The following CCDC180 variants were observed in gnomAD, a reference collection of about 807,000 sequenced individuals.
The protein encoded by CCDC180 is coiled-coil domain containing 180, also known as coiled-coil domain-containing protein 180.
A neutral mutation model predicts 209.2 loss-of-function variants in CCDC180; 154 were observed. That is an observed-to-expected ratio of 0.74 (90% CI 0.65 to 0.84). The LOEUF is 0.84. Among genes scored for constraint, CCDC180 ranks in the 40% least tolerant of loss-of-function variants. The pLI, the probability that CCDC180 is intolerant of heterozygous loss-of-function variation, is 0.00. For synonymous variants in CCDC180, 778 were observed against 749.1 expected, an observed-to-expected ratio of 1.04 and a Z score of -0.63; for missense variants, 1,874 against 1,997.3, an observed-to-expected ratio of 0.94 and a Z score of 1.18.
At chr9:97,317,480 G>A (rs1337017340) in intron 9 of CCDC180, among the ~76,000 whole-genome samples, 3 of 152,292 alleles carry the variant, frequency 2.0e-5, no homozygotes, top group Non-Finnish European at 1.5e-5. Flanking sequence ...TAGAGTATAT[G>A]CAGTTTCATA....
At chr9:97,311,772 C>T (rs1448668198) in intron 3 of CCDC180, among the ~76,000 whole-genome samples, 1 of 152,204 alleles carries the variant, frequency 6.6e-6, no homozygotes, top group African/African-American at 2.4e-5. Flanking sequence ...GATTTGGCTT[C>T]ACTGGGCTGC....
intron 4 of CCDC180, among the ~76,000 whole-genome samples, chr9:97,312,906 C>G (rs1833037178): frequency 7.1e-6 from 1 of 140,070 alleles, no homozygotes; most frequent in Non-Finnish European, 1.6e-5. Flanking sequence ...TGAAGACTAG[C>G]TGAGTTTGAA....
At chr9:97,361,690 T>G in intron 26 of CCDC180, 36 bp from the exon 27 acceptor site, 5 of 1,607,982 alleles carry the variant, frequency 3.1e-6, no homozygotes, top group Non-Finnish European at 4.2e-6. Context: ...CCTGGGCTGG[T>G]CCTTACACCC....
intron 22 of CCDC180, among the ~76,000 whole-genome samples, chr9:97,353,675 G>GT (rs1353279611): frequency 3.3e-5 from 5 of 152,102 alleles, no homozygotes; most frequent in Admixed American, 2.0e-4. Flanking sequence ...TCTGCTTGAG[G>GT]TTTTTTGGGT....
intron 11 of CCDC180, 32 bp from the exon 12 acceptor site, chr9:97,322,801 G>A: frequency 6.3e-7 from 1 of 1,594,174 alleles, no homozygotes; most frequent in Non-Finnish European, 8.6e-7. Flanking sequence ...TCTTCCTTCT[G>A]GACTGATTTG....
chr9:97,354,955 A>T lies in CCDC180; in HGVS notation c.3211A>T (p.Ile1071Leu). The T allele has an allele frequency of 3.1e-6, 5 of 1,614,126 alleles. No individual in the cohort carries two copies. The highest frequency in any genetic ancestry group is 4.2e-6 in the Non-Finnish European group (5 of 1,179,962). ...FHNLSVDLIF[I>L]EKIQRLLTNL... The stretch of plus-strand genomic sequence containing the variant: ...TAACCTGTCTGTGGACCTTATTTTC[A>T]TAGAGAAAATCCAGCGGTTGCTGAC... The change falls in exon 24 of 37, where the codon ATA becomes TTA. Residue 1071 changes from isoleucine to leucine, a missense_variant. Coordinates refer to ENST00000529487, the MANE Select transcript of CCDC180 (RefSeq NM_020893.6).
rs367967039 is a variant in CCDC180, at chr9:97,309,474, C to T, written c.130C>T (p.Leu44=). Residue 44 remains leucine, a synonymous_variant, in exon 3 of 37, where the codon CTG becomes TTG. Coordinates refer to ENST00000529487, the MANE Select transcript of CCDC180 (RefSeq NM_020893.6). ...RKRAAERSVT[L]KSGRIPMMKK... ...GCGGGCTGCAGAGCGTTCTGTGACCCTGAAGAGTGGCAGGATACCCATGAT... is the reference window on the plus strand; with the variant it reads ...GCGGGCTGCAGAGCGTTCTGTGACCTTGAAGAGTGGCAGGATACCCATGAT... The T allele has an allele frequency of 1.2e-6, 2 of 1,607,338 alleles. No individual in the cohort carries two copies. The highest frequency in any genetic ancestry group is 2.7e-5 in the African/African-American group (2 of 74,668).
intron 22 of CCDC180, among the ~76,000 whole-genome samples, chr9:97,352,197 A>G (rs921663581): frequency 6.6e-6 from 1 of 152,224 alleles, no homozygotes; most frequent in Non-Finnish European, 1.5e-5. Flanking sequence ...TTAACATGCA[A>G]GTGTGTAGGT....
chr9:97,352,935 A>ATG (rs1826461222), intron 22 of CCDC180, among the ~76,000 whole-genome samples: 3 of 149,294 alleles, frequency 2.0e-5, no homozygotes, highest in Non-Finnish European at 4.4e-5. Context: ...AGATATATAC[A>ATG]TATACGTATG....
rs185581563 is a variant in CCDC180 at position 97,367,428 on chromosome 9, T to C, written c.4189+728T>C. ...CCACCACTTCCCAGCTGTATTACCT[T>C]GGCCAAATGATCTCACCTCTCTGAG... On this transcript the variant is annotated intron_variant, in intron 31 of 36. Transcript: ENST00000529487. 8.6e-3 allele frequency among the ~76,000 whole-genome samples: 1,297 copies of C among 151,374 alleles called. 11 individuals carry two copies. The highest frequency in any genetic ancestry group is 0.013 in the Non-Finnish European group (905 of 67,938).
chr9:97,355,780 G>T (rs1005522106), intron 24 of CCDC180, among the ~76,000 whole-genome samples: 1 of 152,208 alleles, frequency 6.6e-6, no homozygotes, highest in Admixed American at 6.5e-5. Flanking sequence ...CTTAACCTGG[G>T]CTAAGAAAGT....
At chr9:97,361,264 A>G (rs933598516) in intron 26 of CCDC180, among the ~76,000 whole-genome samples, 2 of 152,190 alleles carry the variant, frequency 1.3e-5, no homozygotes, top group Non-Finnish European at 2.9e-5. Flanking sequence ...TCCTCCATCC[A>G]TTTGGTCAAA....
At chr9:97,372,393 T>G (rs952046697) in intron 34 of CCDC180, 3 of 152,218 alleles carry the variant, frequency 2.0e-5, no homozygotes, top group African/African-American at 7.2e-5. Context: ...AGGGAACAAT[T>G]TGTCAGTCCC....
At chr9:97,347,835 C>G (rs1472528082) in intron 20 of CCDC180, among the ~76,000 whole-genome samples, 1 of 152,128 alleles carries the variant, frequency 6.6e-6, no homozygotes, top group Non-Finnish European at 1.5e-5. Flanking sequence ...TAGAGGCAAG[C>G]TCATAGCTCA....
At chr9:97,321,692 G>A (rs1054392689) in intron 11 of CCDC180, among the ~76,000 whole-genome samples, 9 of 152,212 alleles carry the variant, frequency 5.9e-5, no homozygotes, top group Non-Finnish European at 1.3e-4. Context: ...GTCCAGAGCA[G>A]AAGTCAGAGC....
At chr9:97,350,888 T>G (rs1041758286) in intron 22 of CCDC180, among the ~76,000 whole-genome samples, 1 of 152,238 alleles carries the variant, frequency 6.6e-6, no homozygotes, top group African/African-American at 2.4e-5. Context: ...GTACTTCATA[T>G]AAGTGGAATC....
intron 32 of CCDC180, among the ~76,000 whole-genome samples, 165 bp from the exon 33 acceptor site, chr9:97,370,476 A>C (rs895534731): frequency 6.6e-6 from 1 of 151,352 alleles, no homozygotes; most frequent in Non-Finnish European, 1.5e-5. Flanking sequence ...AGCTCTAGCC[A>C]TGCCCCCCTC....
chr9:97,333,889 C>T (rs759158727), intron 18 of CCDC180, among the ~76,000 whole-genome samples: 1 of 151,464 alleles, frequency 6.6e-6, no homozygotes, highest in Non-Finnish European at 1.5e-5. Context: ...GGTGTGATCT[C>T]AGCTCACTGC....
intron 31 of CCDC180, among the ~76,000 whole-genome samples, chr9:97,367,237 T>C (rs1198744820): frequency 6.6e-6 from 1 of 152,230 alleles, no homozygotes; most frequent in African/African-American, 2.4e-5. Context: ...TCAAGGTTTA[T>C]GCATGTTGTA....
Sources: gnomAD v4.1 joint callset for allele counts (sites outside exome capture counted in the v4.1 genomes callset) on GRCh38, gnomAD v4.1.1 for gene constraint, MANE v1.5 for transcripts, NCBI Gene and HGNC (gene_info 2026-07-23, HGNC 2026-07-21) for gene names.